The following PSAT1 variants were observed in gnomAD, a reference collection of about 807,000 sequenced individuals.
PSAT1 encodes the protein phosphoserine aminotransferase.
A neutral mutation model predicts 40.3 loss-of-function variants in PSAT1; 41 were observed. The ratio of observed to expected loss-of-function variants is 1.02; its 90% CI spans 0.79 to 1.32. PSAT1 has a LOEUF of 1.32. Among genes scored for constraint, PSAT1 ranks in the 40% most tolerant of loss-of-function variants. The pLI, the probability that PSAT1 is intolerant of heterozygous loss-of-function variation, is 0.00. For synonymous variants in PSAT1, 147 were observed against 170.5 expected (o/e 0.86, Z 1.07); for missense variants, 406 against 455.8 (o/e 0.89, Z 0.99).
intron 6 of PSAT1, among the ~76,000 whole-genome samples, chr9:78,317,088 T>C (rs2118679440): frequency 6.6e-6 from 1 of 152,288 alleles, no homozygotes; most frequent in South Asian, 2.1e-4. Context: ...AGAGTTTACA[T>C]TAGGGCTTAA....
intron 1 of PSAT1, among the ~76,000 whole-genome samples, chr9:78,299,186 ACAAAAG>A (rs1248235820): frequency 1.4e-5 from 2 of 140,310 alleles, no homozygotes; most frequent in Non-Finnish European, 3.0e-5. Flanking sequence ...GTTATGATCC[ACAAAAG>A]CAATGCATTC....
Position 78,306,309 on chromosome 9 carries a change from G to T in PSAT1, c.398-5G>T. On this transcript the variant is annotated splice_region_variant and splice_polypyrimidine_tract_variant and intron_variant, in intron 4 of 8. Coordinates refer to ENST00000376588, the MANE Select transcript of PSAT1 (RefSeq NM_058179.4). The stretch of plus-strand genomic sequence containing the variant: ...GCAAAGTCTCAAACTTGTCTTCTGT[G>T]ATAGAAATTCCAGATCCAAGCACCT... The T allele has an allele frequency of 6.2e-7, 1 of 1,612,072 alleles. No individual in the cohort carries two copies. The highest frequency in any genetic ancestry group is 2.2e-5 in the East Asian group (1 of 44,880).
At chr9:78,317,869 T>A (rs1476331911) in intron 7 of PSAT1, 65 bp downstream of exon 7, 2 of 1,555,254 alleles carry the variant, frequency 1.3e-6, no homozygotes, top group South Asian at 1.1e-5. Context: ...ATATACTGTG[T>A]ACCTTTGAAA....
chr9:78,298,947 C>A (rs1378065473), intron 1 of PSAT1, among the ~76,000 whole-genome samples: 1 of 151,972 alleles, frequency 6.6e-6, no homozygotes, highest in Non-Finnish European at 1.5e-5. Context: ...ATTTTGTATT[C>A]TATCCTGCTC....
At chr9:78,320,111 C>T (rs770863509) in intron 7 of PSAT1, among the ~76,000 whole-genome samples, 14 of 151,710 alleles carry the variant, frequency 9.2e-5, no homozygotes, top group Non-Finnish European at 1.6e-4. Context: ...CCTATCCATC[C>T]ATCTACCCAC....
intron 4 of PSAT1, among the ~76,000 whole-genome samples, chr9:78,305,631 A>G (rs565166519): frequency 2.0e-5 from 3 of 152,230 alleles, no homozygotes; most frequent in African/African-American, 4.8e-5. Flanking sequence ...CCAAGTTTCA[A>G]TGCCTTTATG....
At chr9:78,318,179 G>A (rs1394981006) in intron 7 of PSAT1, among the ~76,000 whole-genome samples, 2 of 152,190 alleles carry the variant, frequency 1.3e-5, no homozygotes, top group African/African-American at 2.4e-5. Context: ...ACTCCTGTTA[G>A]CGATCTTTGG....
Position 78,329,272 on chromosome 9 carries a change from A to C in PSAT1, c.*186A>C. The C allele has an allele frequency of 3.4e-6, 2 of 583,484 alleles. No homozygotes were observed. 36.1% of individuals were successfully genotyped at this position (583,484 alleles called of 1,614,324 possible). On this transcript the variant is annotated 3_prime_UTR_variant, in exon 9 of 9. Coordinates refer to ENST00000376588, the MANE Select transcript of PSAT1 (RefSeq NM_058179.4). Reference sequence around the variant, plus strand: ...TGTAAAGCTGGTGGGACCTAATGTCACCTTAATTCTGACTTGAACTGGAAG... The same window carrying C: ...TGTAAAGCTGGTGGGACCTAATGTCCCCTTAATTCTGACTTGAACTGGAAG...
intron 7 of PSAT1, among the ~76,000 whole-genome samples, chr9:78,319,411 T>G (rs1309029271): frequency 6.6e-6 from 1 of 152,152 alleles, no homozygotes; most frequent in Non-Finnish European, 1.5e-5. Context: ...TGGGCTCCTT[T>G]CCCAGGCACC....
intron 3 of PSAT1, among the ~76,000 whole-genome samples, chr9:78,302,830 C>T (rs187864575): frequency 6.6e-6 from 1 of 151,202 alleles, no homozygotes; most frequent in Admixed American, 6.6e-5. Flanking sequence ...TTAACAGGCT[C>T]TTTGGGTAAT....
intron 1 of PSAT1, chr9:78,298,200 C>T (rs929022027): frequency 1.2e-6 from 1 of 815,856 alleles, no homozygotes; most frequent in African/African-American, 1.9e-5. Flanking sequence ...GCCCCACCCG[C>T]AGTGAAGAAG....
Position 78,317,673 on chromosome 9 carries a change from T to A in PSAT1, c.741-3T>A, listed in dbSNP as rs1291018374. On this transcript the variant is annotated splice_polypyrimidine_tract_variant and splice_region_variant and intron_variant, in intron 6 of 8. Coordinates refer to ENST00000376588, the MANE Select transcript of PSAT1 (RefSeq NM_058179.4). ...ACGGATTTTTTAAAAATCTTCATTT[T>A]AGCATCTACGTCATGGGCTTGGTTC... The A allele has an allele frequency of 1.2e-6, 2 of 1,613,330 alleles. No individual in the cohort carries two copies. The highest frequency in any genetic ancestry group is 3.3e-5 in the Admixed American group (2 of 59,766).
intron 6 of PSAT1, among the ~76,000 whole-genome samples, chr9:78,316,504 C>A (rs963791068): frequency 1.3e-5 from 2 of 152,196 alleles, no homozygotes; most frequent in African/African-American, 2.4e-5. Flanking sequence ...CTGCTCTCCC[C>A]ACTCTTTCTC....
At chr9:78,317,860 T>G in intron 7 of PSAT1, 56 bp downstream of exon 7, 5 of 1,570,438 alleles carry the variant, frequency 3.2e-6, no homozygotes, top group Non-Finnish European at 3.5e-6. Context: ...AAACTGTGTA[T>G]ATACTGTGTA....
intron 6 of PSAT1, among the ~76,000 whole-genome samples, chr9:78,309,503 C>T (rs1828235729): frequency 6.6e-6 from 1 of 152,210 alleles, no homozygotes; most frequent in South Asian, 2.1e-4. Context: ...GCTGGGATTA[C>T]AGGTGCGTGC....
At chr9:78,327,791 C>T (rs1043075766) in intron 7 of PSAT1, among the ~76,000 whole-genome samples, 6 of 152,132 alleles carry the variant, frequency 3.9e-5, no homozygotes, top group East Asian at 1.9e-4. Flanking sequence ...TTATTATTCC[C>T]AGTATTCAGG....
chr9:78,325,587 A>G (rs1332613947), intron 7 of PSAT1, among the ~76,000 whole-genome samples: 1 of 152,200 alleles, frequency 6.6e-6, no homozygotes, highest in Non-Finnish European at 1.5e-5. Context: ...GAAACCTGTC[A>G]ACCTTGCCGC....
At chr9:78,298,248 G>T (rs1828056614) in intron 1 of PSAT1, 2 of 984,844 alleles carry the variant, frequency 2.0e-6, no homozygotes, top group Non-Finnish European at 2.4e-6. Context: ...ATTGTCAGGC[G>T]GCTGCCGCCG....
At chr9:78,312,569 G>A (rs1222612301) in intron 6 of PSAT1, among the ~76,000 whole-genome samples, 4 of 152,100 alleles carry the variant, frequency 2.6e-5, no homozygotes, top group Admixed American at 1.3e-4. Flanking sequence ...GGTGGCACAT[G>A]CCTGTAATCC....
Sources: allele counts gnomAD v4.1 joint callset (sites outside exome capture counted in the v4.1 genomes callset), GRCh38; gene constraint gnomAD v4.1.1; transcripts MANE v1.5; gene names NCBI Gene and HGNC (gene_info 2026-07-23, HGNC 2026-07-21).